PTPRJ: variants seen among roughly 807,000 people sequenced by gnomAD.
PTPRJ encodes the protein protein tyrosine phosphatase receptor type J.
A neutral mutation model predicts 141.3 loss-of-function variants in PTPRJ; 129 were observed. That is an observed-to-expected ratio of 0.91 (90% confidence interval 0.79 to 1.06). PTPRJ has a LOEUF of 1.06. Ranked by LOEUF, PTPRJ falls within the 50% of genes least tolerant of loss-of-function variation. PTPRJ has a pLI of 0.00. For synonymous variants in PTPRJ, 610 were observed against 640.5 expected (o/e 0.95, Z 0.72); for missense variants, 1,601 against 1,679.7 (o/e 0.95, Z 0.82).
intron 1 of PTPRJ, among the ~76,000 whole-genome samples, chr11:48,008,793 G>C (rs1314234802): frequency 6.6e-6 from 1 of 151,226 alleles, no homozygotes. Context: ...TAGAACTCCT[G>C]ATCTCAGGTG....
intron 1 of PTPRJ, chr11:48,044,858 T>C (rs142097750): frequency 8.1e-4 from 123 of 152,400 alleles, no homozygotes; most frequent in African/African-American, 2.7e-3. Flanking sequence ...GCTGACAGCA[T>C]CTGGCTATCG....
At chr11:48,129,998 C>T (rs192708038) in intron 7 of PTPRJ, among the ~76,000 whole-genome samples, 2 of 123,182 alleles carry the variant, frequency 1.6e-5, no homozygotes, top group East Asian at 4.9e-4. Context: ...TTGTTTCCAA[C>T]AGGTATGCAC....
rs746557862 is a variant in PTPRJ at position 48,142,966 on chromosome 11, A to C, written c.2491A>C (p.Asn831His). The C allele has an allele frequency of 4.3e-6, 7 of 1,614,072 alleles. No homozygotes were observed. The Admixed American group carries it at 1.0e-4, about 23-fold the overall frequency. The stretch of plus-strand genomic sequence containing the variant: ...CCCTAATATTACATCTGTCAGTCAC[A>C]ATTCAGTAAAGGTCAAGTTCAGTGG... ...GSPNITSVSHNSVKVKFSGFE... is the reference protein window; with the variant it reads ...GSPNITSVSHHSVKVKFSGFE... The change falls in exon 12 of 25, where the codon AAT becomes CAT. Residue 831 changes from asparagine (N) to histidine (H), a missense_variant. Physicochemically the swap from Asn to His is moderately conservative, Grantham distance 68. Coordinates refer to ENST00000418331, the MANE Select transcript of PTPRJ (RefSeq NM_002843.4).
chr11:48,107,095 T>C (rs1856311017), intron 1 of PTPRJ, among the ~76,000 whole-genome samples: 1 of 151,954 alleles, frequency 6.6e-6, no homozygotes, highest in African/African-American at 2.4e-5. Flanking sequence ...AAGAATCTAG[T>C]GTTCAGAGTG....
chr11:48,103,400 A>C (rs1856202494), intron 1 of PTPRJ, among the ~76,000 whole-genome samples: 1 of 152,250 alleles, frequency 6.6e-6, no homozygotes, highest in African/African-American at 2.4e-5. Flanking sequence ...TTAAGGCTGC[A>C]GTGAGCTATG....
intron 1 of PTPRJ, among the ~76,000 whole-genome samples, chr11:48,089,346 T>C (rs1327540944): frequency 2.0e-5 from 3 of 151,912 alleles, no homozygotes; most frequent in Non-Finnish European, 2.9e-5. Context: ...GTGAAGCCCA[T>C]CTCAACTAAA....
chr11:48,123,382 C>T (rs1387154808), intron 4 of PTPRJ, among the ~76,000 whole-genome samples: 1 of 152,134 alleles, frequency 6.6e-6, no homozygotes, highest in Admixed American at 6.6e-5. Flanking sequence ...TTTTTTTCTT[C>T]TCTTCCGTGT....
In PTPRJ at chr11:48,130,648, G is replaced by T; in HGVS notation, c.1547G>T (p.Cys516Phe). 6.2e-7 allele frequency: 1 copy of T among 1,613,996 alleles called. No homozygotes were observed. The highest frequency in any genetic ancestry group is 8.5e-7 in the Non-Finnish European group (1 of 1,179,922). The change falls in exon 8 of 25, where the codon TGC becomes TTC. Residue 516 changes from cysteine to phenylalanine, a missense_variant. Transcript: ENST00000418331. ...IGGLFPGTKY[C>F]FEIVPKGPNG... ...GGCTTGTTCCCTGGAACCAAGTATT[G>T]CTTTGAAATAGTTCCAAAAGGACCA...
At chr11:48,118,029 C>A (rs945306023) in intron 3 of PTPRJ, among the ~76,000 whole-genome samples, 1 of 152,114 alleles carries the variant, frequency 6.6e-6, no homozygotes, top group African/African-American at 2.4e-5. Flanking sequence ...TCTGAATAAT[C>A]CAATAATGAG....
At chr11:48,027,791 C>T (rs1348688618) in intron 1 of PTPRJ, among the ~76,000 whole-genome samples, 1 of 32,900 alleles carries the variant, frequency 3.0e-5, no homozygotes, top group Non-Finnish European at 5.6e-5. Context: ...ACTCTGTCTC[C>T]AAAAAAAAAA....
chr11:48,115,218 A>G (rs987600161), intron 3 of PTPRJ, among the ~76,000 whole-genome samples: 1 of 152,232 alleles, frequency 6.6e-6, no homozygotes, highest in African/African-American at 2.4e-5. Flanking sequence ...AATGACTCCA[A>G]TCAGAGTCAA....
At chr11:48,040,362 G>A (rs1565271629) in intron 1 of PTPRJ, among the ~76,000 whole-genome samples, 1 of 152,146 alleles carries the variant, frequency 6.6e-6, no homozygotes, top group African/African-American at 2.4e-5. Flanking sequence ...CCCAAATTTG[G>A]CTAGTCTCCT....
At chr11:48,025,674 A>T (rs1853786983) in intron 1 of PTPRJ, among the ~76,000 whole-genome samples, 1 of 151,922 alleles carries the variant, frequency 6.6e-6, no homozygotes, top group South Asian at 2.1e-4. Context: ...ACCTCCAAGG[A>T]CTCTCCACTG....
At chr11:48,064,406 G>C (rs1855021397) in intron 1 of PTPRJ, among the ~76,000 whole-genome samples, 2 of 152,122 alleles carry the variant, frequency 1.3e-5, no homozygotes, top group African/African-American at 2.4e-5. Context: ...GGTCCGAACA[G>C]CTGGGCTGAC....
At chr11:48,074,187 T>C (rs1429898130) in intron 1 of PTPRJ, among the ~76,000 whole-genome samples, 1 of 152,078 alleles carries the variant, frequency 6.6e-6, no homozygotes, top group African/African-American at 2.4e-5. Flanking sequence ...ACCACGTTGC[T>C]CAGGCTGTAA....
chr11:48,062,667 G>A (rs187716032), intron 1 of PTPRJ, among the ~76,000 whole-genome samples: 9 of 152,326 alleles, frequency 5.9e-5, no homozygotes, highest in Admixed American at 5.2e-4. Flanking sequence ...GTTGGACAAG[G>A]TGCTGGAGCA....
In PTPRJ at chr11:48,153,814, A is replaced by G. The variant is rs2134379183; in HGVS notation, c.3157A>G (p.Ile1053Val). The stretch of plus-strand genomic sequence containing the variant: ...TTTTCAGGATCTGAAGCTTGTTGGA[A>G]TTAGTCAACCTAAATATGCAGCAGA... ...EEYEDLKLVG[I>V]SQPKYAAELA... Residue 1053 changes from isoleucine (I) to valine (V), a missense_variant, in exon 19 of 25, where the codon ATT (isoleucine) becomes GTT (valine). By Grantham distance (29) the Ile-to-Val change is conservative. Coordinates refer to ENST00000418331, the MANE Select transcript of PTPRJ (RefSeq NM_002843.4). The G allele has an allele frequency of 1.9e-6, 3 of 1,613,082 alleles. No homozygotes were observed. The Middle Eastern group carries it at 4.9e-4, about 266-fold the overall frequency.
chr11:48,156,350 C>G (rs543623394), intron 21 of PTPRJ, among the ~76,000 whole-genome samples: 5 of 152,070 alleles, frequency 3.3e-5, no homozygotes, highest in African/African-American at 1.2e-4. Context: ...TCAGTGTCTT[C>G]TGTTTATTAC....
intron 8 of PTPRJ, among the ~76,000 whole-genome samples, chr11:48,134,547 A>T (rs1265254312): frequency 6.6e-6 from 1 of 152,186 alleles, no homozygotes; most frequent in Non-Finnish European, 1.5e-5. Context: ...TAAAAAAAAA[A>T]TTAATTTTGG....
Sources: gnomAD v4.1 joint callset for allele counts (sites outside exome capture counted in the v4.1 genomes callset) on GRCh38, gnomAD v4.1.1 for gene constraint, MANE v1.5 for transcripts, NCBI Gene and HGNC (gene_info 2026-07-23, HGNC 2026-07-21) for gene names.